Variants in GPHN observed in about 807,000 individuals in gnomAD.
GPHN encodes the protein gephyrin.
Under a neutral mutation model 95.5 loss-of-function variants are expected in GPHN, and 17 were observed. That is an observed-to-expected ratio of 0.18 (90% CI 0.12 to 0.27). GPHN has a LOEUF of 0.27. Among genes scored for constraint, GPHN ranks in the 10% least tolerant of loss-of-function variants. GPHN has a pLI of 1.00. For synonymous variants in GPHN, 320 were observed against 322.5 expected, an observed-to-expected ratio of 0.99 and a Z score of 0.08; for missense variants, 660 against 978.1, an observed-to-expected ratio of 0.67 and a Z score of 4.34.
chr14:67,360,249 C>T, the GPHN span: 1 of 399,382 alleles, frequency 2.5e-6, no homozygotes, highest in Non-Finnish European at 4.4e-6. Flanking sequence ...TCCTTGTTCT[C>T]GGAGGACCCA....
Position 67,156,562 on chromosome 14 carries a change from G to T in GPHN, c.1837-2853G>T, listed in dbSNP as rs116474250. Among the ~76,000 whole-genome samples the T allele has an allele frequency of 2.4e-3, 365 of 151,676 alleles. 4 individuals carry two copies. Among genetic ancestry groups the T allele is most frequent in the African/African-American group, 8.3e-3 (343 of 41,356 alleles). ...AACTAACAAGCTAATAGAGGGGAAAGAATATTAAATAAAAAATATTTCATG... is the reference window on the plus strand; with the variant it reads ...AACTAACAAGCTAATAGAGGGGAAATAATATTAAATAAAAAATATTTCATG... On this transcript the variant is annotated intron_variant, in intron 18 of 22. Coordinates refer to ENST00000478722, the MANE Select transcript of GPHN (RefSeq NM_020806.5).
the GPHN span, among the ~76,000 whole-genome samples, chr14:67,538,030 A>G: frequency 6.6e-6 from 1 of 152,184 alleles, no homozygotes; most frequent in African/African-American, 2.4e-5. Flanking sequence ...GCTGATCGTA[A>G]TTTTAGCGGG....
chr14:67,421,598 A>C, the GPHN span, among the ~76,000 whole-genome samples: 1 of 152,178 alleles, frequency 6.6e-6, no homozygotes, highest in Non-Finnish European at 1.5e-5. Context: ...GAAATACCAA[A>C]GAGAGTGTGA....
At chr14:67,205,926 G>A in the GPHN span, among the ~76,000 whole-genome samples, 2 of 152,340 alleles carry the variant, frequency 1.3e-5, no homozygotes, top group Non-Finnish European at 2.9e-5. Context: ...GCTCACATCT[G>A]TAATCCCGGC....
intron 5 of GPHN, among the ~76,000 whole-genome samples, chr14:66,911,118 C>T (rs2065654003): frequency 6.6e-6 from 1 of 151,744 alleles, no homozygotes; most frequent in South Asian, 2.1e-4. Flanking sequence ...ATATAAGCAC[C>T]ACATGGATGA....
At chr14:67,047,831 T>C (rs1269703818) in intron 10 of GPHN, among the ~76,000 whole-genome samples, 1 of 152,162 alleles carries the variant, frequency 6.6e-6, no homozygotes, top group East Asian at 1.9e-4. Context: ...TATGGTGGTG[T>C]GCACCTGTGG....
At chr14:67,696,050 C>A in the GPHN span, among the ~76,000 whole-genome samples, 1 of 152,042 alleles carries the variant, frequency 6.6e-6, no homozygotes, top group Non-Finnish European at 1.5e-5. Flanking sequence ...TGCTTTTTAT[C>A]TTTTTTTCAC....
At position 67,025,445 on chromosome 14, in the gene GPHN, G is replaced by C. The variant is rs530534451; in HGVS notation, c.1006+1770G>C. Among the ~76,000 whole-genome samples the C allele has an allele frequency of 5.3e-4, 81 of 152,158 alleles. 2 individuals are homozygous for C. Among genetic ancestry groups the C allele is most frequent in the African/African-American group, 1.9e-3 (79 of 41,492 alleles). On this transcript the variant is annotated intron_variant, in intron 10 of 22. Coordinates refer to ENST00000478722, the MANE Select transcript of GPHN (RefSeq NM_020806.5). Reference sequence around the variant, plus strand: ...TGATCAACCTATGAGAACCTTCCTTGTTCTCTTTCTGTTTTGTTAGTGAGA... The same window carrying C: ...TGATCAACCTATGAGAACCTTCCTTCTTCTCTTTCTGTTTTGTTAGTGAGA...
chr14:66,540,685 C>A (rs546849685), intron 1 of GPHN, among the ~76,000 whole-genome samples: 296 of 152,310 alleles, frequency 1.9e-3, no homozygotes, highest in Non-Finnish European at 3.6e-3. Context: ...CTAGAGTTCT[C>A]CAACTGGCTA....
intron 1 of GPHN, among the ~76,000 whole-genome samples, chr14:66,624,093 G>A (rs2063424315): frequency 1.3e-5 from 2 of 152,128 alleles, no homozygotes; most frequent in Admixed American, 6.5e-5. Context: ...TTTCAGCCTG[G>A]AGATATTACA....
the GPHN span, among the ~76,000 whole-genome samples, chr14:67,367,947 TC>T: frequency 6.6e-6 from 1 of 152,238 alleles, no homozygotes; most frequent in Non-Finnish European, 1.5e-5. Flanking sequence ...CTTCTTAGTT[TC>T]TTTAAAAATA....
the GPHN span, chr14:67,571,194 T>TG: frequency 6.4e-6 from 1 of 155,544 alleles, no homozygotes; most frequent in Admixed American, 6.2e-5. Context: ...TATATCTACA[T>TG]GTGTCTGTAG....
intron 4 of GPHN, among the ~76,000 whole-genome samples, chr14:66,848,182 T>C (rs994681242): frequency 2.6e-5 from 4 of 152,090 alleles, no homozygotes; most frequent in Non-Finnish European, 5.9e-5. Context: ...TTTTTACTTA[T>C]ATCAGCAACA....
the GPHN span, among the ~76,000 whole-genome samples, chr14:67,404,705 G>T: frequency 6.6e-6 from 1 of 151,988 alleles, no homozygotes; most frequent in Non-Finnish European, 1.5e-5. Flanking sequence ...AGCCACTCAG[G>T]AGGCTGAGGT....
intron 17 of GPHN, among the ~76,000 whole-genome samples, chr14:67,133,472 A>G (rs1055273269): frequency 2.0e-5 from 3 of 152,218 alleles, no homozygotes; most frequent in African/African-American, 7.2e-5. Flanking sequence ...AAACCAAGAC[A>G]GAGCCTTTAC....
intron 1 of GPHN, among the ~76,000 whole-genome samples, chr14:66,629,074 A>G (rs1595312053): frequency 7.6e-6 from 1 of 131,618 alleles, no homozygotes; most frequent in African/African-American, 2.8e-5. Context: ...ATCTCAAAAA[A>G]AAATACATAT....
the GPHN span, among the ~76,000 whole-genome samples, chr14:67,707,551 C>A: frequency 6.6e-6 from 1 of 152,194 alleles, no homozygotes; most frequent in African/African-American, 2.4e-5. Context: ...GCCTCAGCTT[C>A]CCAAGTAGCT....
the GPHN span, among the ~76,000 whole-genome samples, chr14:67,237,400 A>C: frequency 6.6e-6 from 1 of 152,156 alleles, no homozygotes; most frequent in Non-Finnish European, 1.5e-5. Flanking sequence ...TTTGATATAT[A>C]ATAGGGAATA....
chr14:66,871,549 A>T (rs1223671657), intron 4 of GPHN, among the ~76,000 whole-genome samples: 1 of 152,226 alleles, frequency 6.6e-6, no homozygotes, highest in Non-Finnish European at 1.5e-5. Context: ...ACATAGAAGT[A>T]GTGTTTCGTC....
Sources: gnomAD v4.1 joint callset for allele counts (sites outside exome capture counted in the v4.1 genomes callset) on GRCh38, gnomAD v4.1.1 for gene constraint, MANE v1.5 for transcripts, NCBI Gene and HGNC (gene_info 2026-07-23, HGNC 2026-07-21) for gene names.